HHIPL2: variants seen among roughly 807,000 people sequenced by gnomAD.
The protein encoded by HHIPL2 is HHIP-like protein 2.
HHIPL2 carries 61 observed loss-of-function variants against 61.0 expected under a neutral mutation model. The ratio of observed to expected loss-of-function variants is 1.00; its 90% CI spans 0.81 to 1.24. The LOEUF (loss-of-function observed/expected upper bound fraction) is 1.24, where lower values mean the gene tolerates loss of function less well. Ranked by LOEUF, HHIPL2 falls within the 50% of genes most tolerant of loss-of-function variation. The pLI is 0.00. For missense variants in HHIPL2, 885 were observed against 910.2 expected (o/e 0.97, Z 0.36); for synonymous variants, 343 against 357.4 (o/e 0.96, Z 0.45).
chr1:222,546,701 C>T (rs1659562841), intron 1 of HHIPL2, among the ~76,000 whole-genome samples: 1 of 152,192 alleles, frequency 6.6e-6, no homozygotes. Context: ...AAGAGGACAG[C>T]CCCAGGCGGT....
In HHIPL2 at chr1:222,522,843, T is replaced by G. The variant is rs371162182; in HGVS notation, c.1933A>C (p.Arg645=). The G allele has an allele frequency of 2.5e-5, 41 of 1,614,094 alleles. No individual in the cohort carries two copies. The highest frequency in any genetic ancestry group is 3.4e-5 in the Non-Finnish European group (40 of 1,180,026). The part of the protein sequence containing the change: ...LLKEQSEKAA[R]KSSSATLASG... The stretch of plus-strand genomic sequence containing the variant: ...GCTAAGGTTGCACTGGAAGATTTTC[T>G]AGCAGCTTTCTCTGATTGTTCCTTT... The change falls in exon 9 of 9, where the codon AGA becomes CGA. Residue 645 remains arginine (R), a synonymous_variant. Coordinates refer to ENST00000343410, the MANE Select transcript of HHIPL2 (RefSeq NM_024746.4).
intron 5 of HHIPL2, among the ~76,000 whole-genome samples, chr1:222,538,232 G>GTGTGTGTGTGTGTGTGTA: frequency 6.8e-6 from 1 of 146,026 alleles, no homozygotes; most frequent in East Asian, 2.0e-4. Context: ...GTGTGTGTGT[G>GTGTGTGTGTGTGTGTGTA]TGTGTGTGTG....
intron 1 of HHIPL2, among the ~76,000 whole-genome samples, chr1:222,546,893 C>T (rs1040948549): frequency 6.6e-6 from 1 of 152,308 alleles, no homozygotes; most frequent in Admixed American, 6.5e-5. Flanking sequence ...TGCTGACAAG[C>T]CCAGGGGGTC....
chr1:222,542,647 C>T (rs961061284), intron 2 of HHIPL2, among the ~76,000 whole-genome samples: 3 of 150,070 alleles, frequency 2.0e-5, no homozygotes, highest in Non-Finnish European at 4.4e-5. Context: ...TCTCCTGCCT[C>T]GGCCTCCTGA....
At chr1:222,533,163 G>A (rs190453666) in intron 5 of HHIPL2, among the ~76,000 whole-genome samples, 1 of 152,052 alleles carries the variant, frequency 6.6e-6, no homozygotes, top group Non-Finnish European at 1.5e-5. Context: ...CCAGGGGTTC[G>A]AGACCAGCCT....
At chr1:222,538,195 G>GTT (rs1553270679) in intron 5 of HHIPL2, among the ~76,000 whole-genome samples, 1 of 136,274 alleles carries the variant, frequency 7.3e-6, no homozygotes, top group East Asian at 2.1e-4. Flanking sequence ...CTCTGGCTGG[G>GTT]GTGTGTGTGT....
intron 7 of HHIPL2, 62 bp downstream of exon 7, chr1:222,526,907 C>G (rs1324261708): frequency 2.6e-5 from 35 of 1,369,966 alleles, no homozygotes; most frequent in Non-Finnish European, 3.2e-5. Context: ...GTTTTTATGG[C>G]CTGCCATGGA....
intron 5 of HHIPL2, among the ~76,000 whole-genome samples, chr1:222,534,804 A>G (rs1159964108): frequency 6.6e-6 from 1 of 152,134 alleles, no homozygotes; most frequent in Non-Finnish European, 1.5e-5. Flanking sequence ...TTTAACATAA[A>G]TAGATCATCA....
chr1:222,531,077 C>T (rs1045977244), intron 6 of HHIPL2, among the ~76,000 whole-genome samples: 2 of 152,184 alleles, frequency 1.3e-5, no homozygotes, highest in Non-Finnish European at 2.9e-5. Context: ...CATGTGTACA[C>T]GTGCACATCA....
At chr1:222,537,571 G>C (rs773804027) in intron 5 of HHIPL2, among the ~76,000 whole-genome samples, 2 of 151,190 alleles carry the variant, frequency 1.3e-5, no homozygotes, top group Non-Finnish European at 2.9e-5. Flanking sequence ...GGTGGAGCTT[G>C]CAGTGAGCCG....
In HHIPL2 at chr1:222,547,811, G is replaced by C; in HGVS notation, c.234C>G (p.Ile78Met). ...GCCDQHKDRR[I>M]AARYWDIMEY... is the part of the protein sequence containing the mutation. ...CCATGATGTCCCAGTACCGGGCAGC[G>C]ATGCGGCGGTCCTTGTGCTGATCAC... The change falls in exon 1 of 9, where the codon ATC becomes ATG. Residue 78 changes from isoleucine to methionine, a missense_variant. Physicochemically the swap from Ile to Met is conservative, Grantham distance 10. Coordinates refer to ENST00000343410, the MANE Select transcript of HHIPL2 (RefSeq NM_024746.4). The C allele has an allele frequency of 6.2e-7, 1 of 1,614,140 alleles. No individual in the cohort carries two copies.
intron 1 of HHIPL2, among the ~76,000 whole-genome samples, 171 bp from the exon 2 acceptor site, chr1:222,544,360 T>TAATG (rs1659513310): frequency 1.3e-5 from 2 of 152,316 alleles, no homozygotes; most frequent in Admixed American, 1.3e-4. Context: ...TCTACCTAGT[T>TAATG]AATGCTCCTA....
intron 5 of HHIPL2, among the ~76,000 whole-genome samples, chr1:222,538,244 G>A (rs67978793): frequency 0.46 from 67,961 of 148,606 alleles, 16,325 homozygotes; most frequent in East Asian, 0.63. Context: ...GTGTGTGTGT[G>A]TGTGTATGTA....
Position 222,522,897 on chromosome 1 carries a change from C to T in HHIPL2, c.1889-10G>A, listed in dbSNP as rs376162134. On this transcript the variant is annotated splice_polypyrimidine_tract_variant and intron_variant, in intron 8 of 8. Transcript: ENST00000343410. Reference sequence around the variant, plus strand: ...AAGTCCAAGACTGTCTCTGAGAAATCAGTATTTATTTAGTGAAAAATATAA... The same window carrying T: ...AAGTCCAAGACTGTCTCTGAGAAATTAGTATTTATTTAGTGAAAAATATAA... The T allele has an allele frequency of 4.3e-6, 7 of 1,609,470 alleles. No individual in the cohort carries two copies. The highest frequency in any genetic ancestry group is 5.9e-6 in the Non-Finnish European group (7 of 1,177,842).
Position 222,547,858 on chromosome 1 carries a change from C to G in HHIPL2, c.187G>C (p.Asp63His). 1 of 1,614,092 alleles carries G rather than the reference C, an allele frequency of 6.2e-7. No homozygotes were observed. The stretch of plus-strand genomic sequence containing the variant: ...TCACAGCAGCCGAAGGACTCATAGT[C>G]AGAGCAAAACTCAAGGTGCAGAGGG... Reference protein sequence around the residue: ...QPPLHLEFCSDYESFGCCDQH... With the variant: ...QPPLHLEFCSHYESFGCCDQH... The change falls in exon 1 of 9, where the codon GAC becomes CAC. Residue 63 changes from aspartate (D) to histidine (H), a missense_variant. Coordinates refer to ENST00000343410, the MANE Select transcript of HHIPL2 (RefSeq NM_024746.4).
rs370180398 is a variant in HHIPL2 at position 222,547,843 on chromosome 1, C to T, written c.202G>A (p.Gly68Ser). ...LEFCSDYESF[G>S]CCDQHKDRRI... ...CGGTCCTTGTGCTGATCACAGCAGC[C>T]GAAGGACTCATAGTCAGAGCAAAAC... The change falls in exon 1 of 9, where the codon GGC (glycine) becomes AGC (serine). Residue 68 changes from glycine (G) to serine (S), a missense_variant. Transcript: ENST00000343410. 1.7e-5 allele frequency: 28 copies of T among 1,614,118 alleles called. No individual in the cohort carries two copies. The highest frequency in any genetic ancestry group is 1.6e-4 in the Middle Eastern group (1 of 6,062).
At chr1:222,534,889 G>A (rs1659269099) in intron 5 of HHIPL2, among the ~76,000 whole-genome samples, 1 of 152,018 alleles carries the variant, frequency 6.6e-6, no homozygotes, top group African/African-American at 2.4e-5. Flanking sequence ...GAGAAGGAGT[G>A]GGGACAGAGG....
chr1:222,532,144 T>A, intron 5 of HHIPL2, 33 bp from the exon 6 acceptor site: 1 of 1,586,572 alleles, frequency 6.3e-7, no homozygotes, highest in Non-Finnish European at 8.6e-7. Context: ...TGTTTAGGAA[T>A]CCATATATCC....
chr1:222,522,963 A>G, intron 8 of HHIPL2, 76 bp from the exon 9 acceptor site: 1 of 1,172,624 alleles, frequency 8.5e-7, no homozygotes, highest in South Asian at 1.5e-5. Context: ...TAACTGCATT[A>G]TAGTTCTTTA....
Sources: gnomAD v4.1 joint callset for allele counts (sites outside exome capture counted in the v4.1 genomes callset) on GRCh38, gnomAD v4.1.1 for gene constraint, MANE v1.5 for transcripts, NCBI Gene and HGNC (gene_info 2026-07-23, HGNC 2026-07-21) for gene names.